The following SCLY variants were observed in gnomAD, a reference collection of about 807,000 sequenced individuals.
The protein encoded by SCLY is putative selenocysteine lyase.
SCLY carries 38 observed loss-of-function variants against 50.1 expected under a neutral mutation model. The observed-to-expected ratio is 0.76, with a 90% CI of 0.59 to 0.99. SCLY has a LOEUF of 0.99. Ranked by LOEUF, SCLY falls within the 50% of genes least tolerant of loss-of-function variation. The pLI is 0.00. For synonymous variants in SCLY, 243 were observed against 249.4 expected, an observed-to-expected ratio of 0.97 and a Z score of 0.24; for missense variants, 600 against 620.0, an observed-to-expected ratio of 0.97 and a Z score of 0.34.
chr2:238,097,572 CAGT>C (rs2065452627), intron 11 of SCLY, among the ~76,000 whole-genome samples: 1 of 151,972 alleles, frequency 6.6e-6, no homozygotes, highest in Non-Finnish European at 1.5e-5. Flanking sequence ...TGGAGCGAGA[CAGT>C]GGTGGGCCTG....
At chr2:238,087,896 A>G (rs901453347) in intron 7 of SCLY, among the ~76,000 whole-genome samples, 1 of 151,992 alleles carries the variant, frequency 6.6e-6, no homozygotes, top group Non-Finnish European at 1.5e-5. Context: ...GGAGTTCAAG[A>G]CCAGGCTGGG....
intron 2 of SCLY, among the ~76,000 whole-genome samples, chr2:238,065,525 A>G (rs2065059659): frequency 6.6e-6 from 1 of 152,164 alleles, no homozygotes; most frequent in Non-Finnish European, 1.5e-5. Flanking sequence ...TCCACAAATT[A>G]AGAACCATAA....
At chr2:238,094,036 C>A in intron 9 of SCLY, 92 bp downstream of exon 9, 3 of 1,138,240 alleles carry the variant, frequency 2.6e-6, no homozygotes, top group Non-Finnish European at 1.3e-6. Flanking sequence ...GACCCCAGGA[C>A]CTGTGGGGAT....
chr2:238,071,608 C>T (rs545637029), intron 4 of SCLY, among the ~76,000 whole-genome samples: 8 of 152,300 alleles, frequency 5.3e-5, no homozygotes, highest in Admixed American at 3.9e-4. Flanking sequence ...GAGACACTGT[C>T]TCCAAAACAA....
chr2:238,074,719 G>A (rs1310538624), intron 4 of SCLY, among the ~76,000 whole-genome samples: 1 of 152,150 alleles, frequency 6.6e-6, no homozygotes, highest in East Asian at 1.9e-4. Context: ...CTGACCTCAG[G>A]TGATCCCCCC....
intron 1 of SCLY, 189 bp downstream of exon 1, chr2:238,061,332 G>T (rs1039194366): frequency 1.4e-4 from 102 of 705,050 alleles, no homozygotes; most frequent in Non-Finnish European, 2.4e-4. Flanking sequence ...CTGTGGCCCC[G>T]CAAGGGCCCA....
rs539648649 is a variant in SCLY at position 238,084,590 on chromosome 2, CAAAAAAAA to C, written c.884+1252_884+1259del. Among the ~76,000 whole-genome samples the C allele has an allele frequency of 9.4e-4, 42 of 44,706 alleles. 1 individual carries two copies. Among genetic ancestry groups the C allele is most frequent in the Middle Eastern group, 0.026 (1 of 38 alleles). The allele number at this position is 44,706 out of a possible 152,430, so 29.3% of individuals were successfully genotyped here. On this transcript the variant is annotated intron_variant, in intron 7 of 11. Coordinates refer to ENST00000254663, the MANE Select transcript of SCLY (RefSeq NM_016510.7). ...TGGGTGACAGAACAAGACTCTGTCT[CAAAAAAAA>C]AAAAAAAAAAAAAAAGCCCAGCACG...
Position 238,082,052 on chromosome 2 carries a change from C to G in SCLY, c.620C>G (p.Pro207Arg). 1.2e-6 allele frequency: 2 copies of G among 1,613,002 alleles called. No homozygotes were observed. Among genetic ancestry groups the G allele is most frequent in the Non-Finnish European group, 1.7e-6 (2 of 1,179,066 alleles). ...NNETGIVMPV[P>R]EISQRIKALN... ...GTTTCCTTTCCCCGTCAGCCTGTCC[C>G]TGAAATCAGTCAGCGCATTAAAGCC... The change falls in exon 6 of 12, where the codon CCT becomes CGT. Residue 207 changes from proline (P) to arginine (R), a missense_variant. Physicochemically the swap from Pro to Arg is moderately radical, Grantham distance 103. Transcript: ENST00000254663.
At position 238,069,206 on chromosome 2, in the gene SCLY, G is replaced by A; in HGVS notation, c.304-91G>A. 1 of 1,187,148 alleles carries A rather than the reference G, an allele frequency of 8.4e-7. No individual in the cohort carries two copies. Among genetic ancestry groups the A allele is most frequent in the Non-Finnish European group, 1.2e-6 (1 of 852,524 alleles). The allele number at this position is 1,187,148 out of a possible 1,614,324, so 73.5% of individuals were successfully genotyped here. ...TTTCTTTGAAGCTTTTTTGATGTTA[G>A]CCACAAAAGAAATTAAGTAACAGAA... On this transcript the variant is annotated intron_variant, in intron 3 of 11. Coordinates refer to ENST00000254663, the MANE Select transcript of SCLY (RefSeq NM_016510.7). This position sits in a 1 kb window ranked among gnomAD's most constrained non-coding sequence, Gnocchi z 5.0.
chr2:238,068,887 G>A (rs764563242), intron 3 of SCLY, among the ~76,000 whole-genome samples: 13 of 152,156 alleles, frequency 8.5e-5, no homozygotes, highest in African/African-American at 2.7e-4. Flanking sequence ...GCTGGGTCAC[G>A]GGGCTCATTT....
At chr2:238,079,021 C>T (rs1220282409) in intron 4 of SCLY, 7 of 146,140 alleles carry the variant, frequency 4.8e-5, no homozygotes, top group African/African-American at 1.3e-4. Context: ...AATTTCCTGT[C>T]TTTTCTTTCT....
rs757636582 is a variant in SCLY, at chr2:238,083,140, C to T, written c.778-108C>T. 8 of 825,302 alleles carry T rather than the reference C, an allele frequency of 9.7e-6. No individual in the cohort carries two copies. Among genetic ancestry groups the T allele is most frequent in the South Asian group, 6.8e-5 (5 of 73,358 alleles). The allele number at this position is 825,302 out of a possible 1,614,324, so 51.1% of individuals were successfully genotyped here. On this transcript the variant is annotated intron_variant, in intron 6 of 11. Coordinates refer to ENST00000254663, the MANE Select transcript of SCLY (RefSeq NM_016510.7). This position sits in a 1 kb window ranked among gnomAD's most constrained non-coding sequence, Gnocchi z 4.3. ...GAGGCGCCACAAGGAAGCAGCAGGA[C>T]TATGCATTGCAGAGCATTTCTCCTG...
intron 1 of SCLY, chr2:238,061,478 G>A (rs1323385051): frequency 4.9e-6 from 2 of 410,344 alleles, no homozygotes; most frequent in African/African-American, 4.3e-5. Flanking sequence ...TGAACCGGCA[G>A]AGCCCCTGAG....
At chr2:238,076,298 G>T (rs557046368) in intron 4 of SCLY, among the ~76,000 whole-genome samples, 99 of 152,158 alleles carry the variant, frequency 6.5e-4, no homozygotes, top group Admixed American at 4.3e-3. Context: ...TGCCATGTTG[G>T]CTGGGCTTGT....
Position 238,081,752 on chromosome 2 carries a change from G to A in SCLY, c.528G>A (p.Glu176=). 6 of 1,614,238 alleles carry A rather than the reference G, an allele frequency of 3.7e-6. No individual in the cohort carries two copies. The highest frequency in any genetic ancestry group is 1.3e-5 in the African/African-American group (1 of 75,064). Residue 176 remains glutamate, a synonymous_variant, in exon 5 of 12, where the codon GAG becomes GAA. Coordinates refer to ENST00000254663, the MANE Select transcript of SCLY (RefSeq NM_016510.7). ...VPVSKVSGQA[E]VDDILAAVRP... ...TGTCCAAGGTGAGCGGGCAGGCAGA[G>A]GTGGACGACATCCTCGCGGCAGTCC...
chr2:238,081,919 C>T, intron 5 of SCLY, 83 bp downstream of exon 5: 1 of 1,579,898 alleles, frequency 6.3e-7, no homozygotes, highest in Non-Finnish European at 8.6e-7. Flanking sequence ...GGTTTCCCAG[C>T]TCTGGCCTCT....
intron 4 of SCLY, among the ~76,000 whole-genome samples, chr2:238,074,766 G>A (rs1027851611): frequency 6.6e-6 from 1 of 152,184 alleles, no homozygotes; most frequent in African/African-American, 2.4e-5. Flanking sequence ...TTATAGGCGT[G>A]AGCCACCATG....
At position 238,094,484 on chromosome 2, in the gene SCLY, A is replaced by G; in HGVS notation, c.1070A>G (p.Asn357Ser). ...SQFPGTQRLP[N>S]TCNFSIRGPR... ...TTTCCAGGCACCCAGCGGCTTCCCA[A>G]TACCTGTAACTTTTCCATCCGGGGA... The change falls in exon 10 of 12, where the codon AAT (asparagine) becomes AGT (serine). Residue 357 changes from asparagine (N) to serine (S), a missense_variant. Asn to Ser is a conservative substitution (Grantham distance 46). Transcript: ENST00000254663. 1 of 1,614,190 alleles carries G rather than the reference A, an allele frequency of 6.2e-7. No individual in the cohort carries two copies. Among genetic ancestry groups the G allele is most frequent in the Non-Finnish European group, 8.5e-7 (1 of 1,180,032 alleles).
chr2:238,093,261 G>T, intron 8 of SCLY: 1 of 154,980 alleles, frequency 6.5e-6, no homozygotes, highest in Non-Finnish European at 1.4e-5. Context: ...TTTCCACACG[G>T]CCACAGAATG....
Sources: gnomAD v4.1 joint callset for allele counts (sites outside exome capture counted in the v4.1 genomes callset) on GRCh38, gnomAD v4.1.1 for gene constraint, Gnocchi (gnomAD v3.1) non-coding constraint, MANE v1.5 for transcripts, NCBI Gene and HGNC (gene_info 2026-07-23, HGNC 2026-07-21) for gene names.